Variants in VPS8 observed in about 807,000 individuals in gnomAD.
VPS8 encodes the protein VPS8 subunit of CORVET complex, also known as vacuolar protein sorting-associated protein 8 homolog.
Under a neutral mutation model 216.4 loss-of-function variants are expected in VPS8, and 129 were observed. The observed-to-expected ratio is 0.60, with a 90% CI of 0.52 to 0.69. VPS8 has a LOEUF of 0.69. Among genes scored for constraint, VPS8 ranks in the 30% least tolerant of loss-of-function variants. The pLI is 0.00. For missense variants in VPS8, 1,531 were observed against 1,683.5 expected (o/e 0.91, Z 1.59); for synonymous variants, 571 against 565.4 (o/e 1.01, Z -0.14).
chr3:185,043,851 A>G (rs1039589803), intron 46 of VPS8, among the ~76,000 whole-genome samples: 1 of 152,214 alleles, frequency 6.6e-6, no homozygotes, highest in Non-Finnish European at 1.5e-5. Context: ...AAATTGACCC[A>G]GGCAAGTCCT....
At chr3:184,937,511 C>A (rs1032389020) in intron 35 of VPS8, among the ~76,000 whole-genome samples, 1 of 152,192 alleles carries the variant, frequency 6.6e-6, no homozygotes, top group African/African-American at 2.4e-5. Context: ...TTAAATTTTT[C>A]CTCTAGAACA....
At chr3:184,995,906 G>A (rs1752553729) in intron 43 of VPS8, among the ~76,000 whole-genome samples, 1 of 152,154 alleles carries the variant, frequency 6.6e-6, no homozygotes, top group Non-Finnish European at 1.5e-5. Context: ...CACGAATGCA[G>A]TTTCAGTAAA....
At position 184,924,889 on chromosome 3, in the gene VPS8, C is replaced by A. The variant is rs775869772; in HGVS notation, c.2482C>A (p.Pro828Thr). 4 of 1,613,284 alleles carry A rather than the reference C, an allele frequency of 2.5e-6. No homozygotes were observed. In the African/African-American group the frequency reaches 5.3e-5, roughly 22 times the overall value. ...TATGGTGGAGAATTCAGACTTTACC[C>A]CCTCACAAGTAGGATGTCTCTTTAC... ...KVMVENSDFT[P>T]SQVGCLFTFL... Residue 828 changes from proline to threonine, a missense_variant, in exon 30 of 48, where the codon CCC becomes ACC. Pro to Thr is a conservative substitution (Grantham distance 38). Coordinates refer to ENST00000625842, the MANE Select transcript of VPS8 (RefSeq NM_001009921.3).
chr3:184,960,836 A>G (rs1236072050), intron 37 of VPS8, among the ~76,000 whole-genome samples: 2 of 152,218 alleles, frequency 1.3e-5, no homozygotes, highest in Non-Finnish European at 2.9e-5. Flanking sequence ...GTCATAATTA[A>G]AAGGGAGACT....
In VPS8 at chr3:184,915,391, G is replaced by C; in HGVS notation, c.2299G>C (p.Ala767Pro). The C allele has an allele frequency of 6.2e-7, 1 of 1,613,912 alleles. No homozygotes were observed. The highest frequency in any genetic ancestry group is 8.5e-7 in the Non-Finnish European group (1 of 1,179,864). ...TCTAATTCGCCTGCATTCAGCAGAG[G>C]CTTCTCCTGAGGAAGAAATCTATCC... The part of the protein sequence containing the change: ...EFLIRLHSAE[A>P]SPEEEIYPYI... The change falls in exon 28 of 48, where the codon GCT (alanine) becomes CCT (proline). Residue 767 changes from alanine (A) to proline (P), a missense_variant. Ala to Pro is a conservative substitution (Grantham distance 27). Coordinates refer to ENST00000625842, the MANE Select transcript of VPS8 (RefSeq NM_001009921.3).
intron 45 of VPS8, among the ~76,000 whole-genome samples, chr3:185,001,523 G>A (rs1173734256): frequency 3.3e-5 from 5 of 152,158 alleles, no homozygotes; most frequent in African/African-American, 7.2e-5. Context: ...TGCCCTTTCT[G>A]GGCCTACCAC....
At chr3:185,036,440 C>T (rs1267990792) in intron 46 of VPS8, among the ~76,000 whole-genome samples, 3 of 152,078 alleles carry the variant, frequency 2.0e-5, no homozygotes, top group African/African-American at 7.2e-5. Context: ...GAATAGAAAA[C>T]TCAGAAATAA....
At chr3:184,955,167 T>C (rs1745366896) in intron 36 of VPS8, among the ~76,000 whole-genome samples, 1 of 152,184 alleles carries the variant, frequency 6.6e-6, no homozygotes, top group South Asian at 2.1e-4. Context: ...TGTGGAAGGC[T>C]GGATATTATC....
intron 25 of VPS8, among the ~76,000 whole-genome samples, chr3:184,909,281 C>T (rs1736061652): frequency 6.6e-6 from 1 of 152,202 alleles, no homozygotes; most frequent in South Asian, 2.1e-4. Context: ...TCTGAATAAA[C>T]ATTCCTCAGA....
chr3:185,027,244 T>C (rs865934801), intron 46 of VPS8, among the ~76,000 whole-genome samples: 2 of 139,558 alleles, frequency 1.4e-5, no homozygotes, highest in Admixed American at 1.4e-4. Context: ...TCTTTTTTTT[T>C]TTTTTTTTTT....
In VPS8 at chr3:184,973,424, T is replaced by C. The variant is rs1422497087; in HGVS notation, c.3420+1672T>C. 2.0e-5 allele frequency among the ~76,000 whole-genome samples: 3 copies of C among 151,840 alleles called. 1 individual carries two copies. The highest frequency in any genetic ancestry group is 4.1e-4 in the South Asian group (2 of 4,838). On this transcript the variant is annotated intron_variant, in intron 40 of 47. Transcript: ENST00000625842. ...AAGTAAAACTAAAGAATGTTCTTAATTGATGCATAATAATTATACATATTC... is the reference window on the plus strand; with the variant it reads ...AAGTAAAACTAAAGAATGTTCTTAACTGATGCATAATAATTATACATATTC...
Position 184,922,747 on chromosome 3 carries a change from G to A in VPS8, c.2455-2115G>A, listed in dbSNP as rs141387879. On this transcript the variant is annotated intron_variant, in intron 29 of 47. Coordinates refer to ENST00000625842, the MANE Select transcript of VPS8 (RefSeq NM_001009921.3). ...AGAGGAGGAGTATAGGCAGTGACCA[G>A]AGAACAGGCCAGTGGATGTTATCAT... Among the ~76,000 whole-genome samples, 258 of 152,194 alleles carry A rather than the reference G, an allele frequency of 1.7e-3. 1 individual carries two copies. Among genetic ancestry groups the A allele is most frequent in the Middle Eastern group, 3.4e-3 (1 of 294 alleles).
chr3:184,820,261 G>A (rs1218975630), intron 1 of VPS8, among the ~76,000 whole-genome samples: 4 of 152,102 alleles, frequency 2.6e-5, no homozygotes, highest in Admixed American at 2.0e-4. Context: ...GGAGGCTCTC[G>A]GAGACCATCT....
At chr3:184,819,159 CAATT>C (rs374216209) in intron 1 of VPS8, among the ~76,000 whole-genome samples, 42 of 152,010 alleles carry the variant, frequency 2.8e-4, no homozygotes, top group South Asian at 1.5e-3. Flanking sequence ...TTGGGAATAA[CAATT>C]AAGAGGAAAT....
intron 46 of VPS8, among the ~76,000 whole-genome samples, chr3:185,031,489 A>G (rs189855154): frequency 3.1e-4 from 47 of 152,298 alleles, no homozygotes; most frequent in African/African-American, 7.7e-4. Flanking sequence ...TTGTTTTTGC[A>G]TCGGCAGAGT....
intron 45 of VPS8, among the ~76,000 whole-genome samples, chr3:185,004,243 C>T (rs564831653): frequency 1.3e-5 from 2 of 152,250 alleles, no homozygotes; most frequent in South Asian, 4.1e-4. Flanking sequence ...CCCGGGAGGC[C>T]GAGGCTGGCG....
intron 46 of VPS8, among the ~76,000 whole-genome samples, chr3:185,043,333 C>T (rs551298672): frequency 5.3e-5 from 8 of 152,262 alleles, no homozygotes; most frequent in East Asian, 3.9e-4. Flanking sequence ...TAAACACAAA[C>T]GCAGCTAGCA....
intron 42 of VPS8, among the ~76,000 whole-genome samples, chr3:184,985,014 C>G (rs1316630333): frequency 6.6e-6 from 1 of 152,062 alleles, no homozygotes; most frequent in African/African-American, 2.4e-5. Flanking sequence ...TTATCATTTT[C>G]TATTTTCAAT....
chr3:184,876,365 T>A (rs189265498), intron 21 of VPS8, among the ~76,000 whole-genome samples: 40 of 152,138 alleles, frequency 2.6e-4, no homozygotes, highest in Non-Finnish European at 2.5e-4. Flanking sequence ...TTTTTTTTTT[T>A]AATTTCCCAG....
Sources: gnomAD v4.1 joint callset for allele counts (sites outside exome capture counted in the v4.1 genomes callset) on GRCh38, gnomAD v4.1.1 for gene constraint, MANE v1.5 for transcripts, NCBI Gene and HGNC (gene_info 2026-07-23, HGNC 2026-07-21) for gene names.